ADGRB2: variants seen among roughly 807,000 people sequenced by gnomAD.
The protein encoded by ADGRB2 is brain-specific angiogenesis inhibitor 2.
Under a neutral mutation model 178.7 loss-of-function variants are expected in ADGRB2, and 47 were observed. The ratio of observed to expected loss-of-function variants is 0.26; its 90% CI spans 0.21 to 0.34. ADGRB2 has a LOEUF of 0.34. ADGRB2 is among the 10% of genes least tolerant of loss of function. The pLI is 1.00. For missense variants in ADGRB2, 1,584 were observed against 2,180.8 expected (o/e 0.73, Z 5.45); for synonymous variants, 870 against 912.4 (o/e 0.95, Z 0.84).
chr1:31,760,293 T>A (rs1462864125), intron 1 of ADGRB2, among the ~76,000 whole-genome samples: 1 of 152,144 alleles, frequency 6.6e-6, no homozygotes, highest in Non-Finnish European at 1.5e-5. Context: ...TCCCTCTCAC[T>A]TTTAACCCTA....
In ADGRB2 at chr1:31,740,656, A is replaced by G; in HGVS notation, c.1795-115T>C. On this transcript the variant is annotated intron_variant, in intron 11 of 32. Transcript: ENST00000373658. The surrounding 1 kb of genome is among the most constrained non-coding windows in gnomAD (Gnocchi z 5.9). The stretch of plus-strand genomic sequence containing the variant: ...CATCCACGGGGAGAGAAAGGGGGAA[A>G]AGGTCAGAGAGGCTCAAAGGGGCAC... 8.5e-7 allele frequency: 1 copy of G among 1,176,160 alleles called. No homozygotes were observed. The highest frequency in any genetic ancestry group is 1.2e-6 in the Non-Finnish European group (1 of 856,504). 72.9% of individuals were successfully genotyped at this position (1,176,160 alleles called of 1,614,324 possible).
chr1:31,755,983 C>T lies in ADGRB2; in HGVS notation c.838+16G>A. On this transcript the variant is annotated intron_variant, in intron 4 of 32. Transcript: ENST00000373658. This position sits in a 1 kb window ranked among gnomAD's most constrained non-coding sequence, Gnocchi z 5.1. ...CCCTGCAGACCCCGCCCCACCCAGG[C>T]CCTGCTGAGACTCACCATATCTCAT... is the stretch of plus-strand genomic sequence containing the variant. 6 of 1,588,600 alleles carry T rather than the reference C, an allele frequency of 3.8e-6. No individual in the cohort carries two copies. Among genetic ancestry groups the T allele is most frequent in the Non-Finnish European group, 5.2e-6 (6 of 1,163,290 alleles).
At chr1:31,730,583 G>A (rs758723467) in intron 29 of ADGRB2, among the ~76,000 whole-genome samples, 3 of 152,180 alleles carry the variant, frequency 2.0e-5, no homozygotes, top group South Asian at 2.1e-4. Context: ...TGAACGAGTC[G>A]AGAAGTACAA....
chr1:31,735,421 G>A lies in ADGRB2; in HGVS notation c.3354-140C>T, dbSNP rs1432501014. 10 of 1,220,430 alleles carry A rather than the reference G, an allele frequency of 8.2e-6. No homozygotes were observed. Among genetic ancestry groups the A allele is most frequent in the East Asian group, 5.1e-5 (2 of 39,294 alleles). The allele number at this position is 1,220,430 out of a possible 1,614,324, so 75.6% of individuals were successfully genotyped here. A position where few individuals can be genotyped will look rare whatever the true frequency, so the allele number is the denominator to read the frequency against. ...TGGGTTAGGGTGGGTGAGGGGCTGC[G>A]GCTGAGCACTCCGGGTGCCCACCTT... On this transcript the variant is annotated intron_variant, in intron 24 of 32. Transcript: ENST00000373658. This position sits in a 1 kb window ranked among gnomAD's most constrained non-coding sequence, Gnocchi z 6.0.
At position 31,735,418 on chromosome 1, in the gene ADGRB2, T is replaced by C. The variant is rs1466343868; in HGVS notation, c.3354-137A>G. ...AGCTGGGTTAGGGTGGGTGAGGGGC[T>C]GCGGCTGAGCACTCCGGGTGCCCAC... On this transcript the variant is annotated intron_variant, in intron 24 of 32. Transcript: ENST00000373658. The surrounding 1 kb of genome is among the most constrained non-coding windows in gnomAD (Gnocchi z 6.0). The C allele has an allele frequency of 8.2e-7, 1 of 1,216,882 alleles. No individual in the cohort carries two copies. The highest frequency in any genetic ancestry group is 1.2e-6 in the Non-Finnish European group (1 of 850,698). The allele number at this position is 1,216,882 out of a possible 1,614,324, so 75.4% of individuals were successfully genotyped here. A position where few individuals can be genotyped will look rare whatever the true frequency, so the allele number is the denominator to read the frequency against.
At chr1:31,738,500 C>T (rs997106759) in intron 17 of ADGRB2, 87 bp downstream of exon 17, 40 of 1,540,796 alleles carry the variant, frequency 2.6e-5, no homozygotes, top group Admixed American at 1.2e-4. Context: ...ACCAAAAATC[C>T]CTCTTGCCTT....
chr1:31,740,621 C>T lies in ADGRB2; in HGVS notation c.1795-80G>A. 1.4e-6 allele frequency: 2 copies of T among 1,407,344 alleles called. No individual in the cohort carries two copies. Among genetic ancestry groups the T allele is most frequent in the Non-Finnish European group, 1.9e-6 (2 of 1,054,098 alleles). 87.2% of individuals were successfully genotyped at this position (1,407,344 alleles called of 1,614,324 possible). ...CCTGGCCCATCCCACTCCAGTCCAC[C>T]CACTGCTTGCATCCACGGGGAGAGA... On this transcript the variant is annotated intron_variant, in intron 11 of 32. Coordinates refer to ENST00000373658, the MANE Select transcript of ADGRB2 (RefSeq NM_001364857.2). This position sits in a 1 kb window ranked among gnomAD's most constrained non-coding sequence, Gnocchi z 5.9.
At position 31,728,619 on chromosome 1, in the gene ADGRB2, C is replaced by G; in HGVS notation, c.4395G>C (p.Arg1465=). The G allele has an allele frequency of 6.2e-7, 1 of 1,614,038 alleles. No individual in the cohort carries two copies. The highest frequency in any genetic ancestry group is 1.7e-5 in the Admixed American group (1 of 60,012). Residue 1465 remains arginine (R), a synonymous_variant, in exon 30 of 33, where the codon CGG becomes CGC. Transcript: ENST00000373658. This position sits in a 1 kb window ranked among gnomAD's most constrained non-coding sequence, Gnocchi z 6.7. The part of the protein sequence containing the change: ...KMGSLERKKL[R]YSDLDFEKVM... Reference sequence around the variant, plus strand: ...TTACCTCAAAGTCCAGGTCTGAATACCGTAATTTCTTTCGCTGGGAAGGAG... The same window carrying G: ...TTACCTCAAAGTCCAGGTCTGAATAGCGTAATTTCTTTCGCTGGGAAGGAG...
rs371278408 is a variant in ADGRB2, at chr1:31,750,680, G to A, written c.838+5319C>T. The stretch of plus-strand genomic sequence containing the variant: ...CCAGAGCCCTGAGCAGGAGCCGACT[G>A]ATCCCCTTGACACATGCTCTGTCAT... On this transcript the variant is annotated intron_variant, in intron 4 of 32. Coordinates refer to ENST00000373658, the MANE Select transcript of ADGRB2 (RefSeq NM_001364857.2). 1.2e-4 allele frequency among the ~76,000 whole-genome samples: 18 copies of A among 152,116 alleles called. No individual in the cohort carries two copies. The East Asian group carries it at 1.5e-3, about 13-fold the overall frequency.
At chr1:31,739,144 T>C (rs1645795384) in intron 15 of ADGRB2, 164 bp downstream of exon 15, 2 of 901,618 alleles carry the variant, frequency 2.2e-6, no homozygotes, top group African/African-American at 1.7e-5. Flanking sequence ...GAGAGCAGTA[T>C]GGATAAATTT....
rs773918577 is a variant in ADGRB2, at chr1:31,756,040, G to A, written c.797C>T (p.Ser266Leu). 12 of 1,613,846 alleles carry A rather than the reference G, an allele frequency of 7.4e-6. No individual in the cohort carries two copies. The highest frequency in any genetic ancestry group is 1.1e-5 in the South Asian group (1 of 91,032). The change falls in exon 4 of 33, where the codon TCG becomes TTG. Residue 266 changes from serine (S) to leucine (L), a missense_variant. Ser to Leu is a moderately radical substitution (Grantham distance 145). Coordinates refer to ENST00000373658, the MANE Select transcript of ADGRB2 (RefSeq NM_001364857.2). The surrounding 1 kb of genome is among the most constrained non-coding windows in gnomAD (Gnocchi z 8.5). ...TGTGAACAGATCATTGCTGCTCCCC[G>A]AGTGCAAATCGGCCTCAGCAGGTGG... ...PAPPAEADLH[S>L]GSSNDLFTTE...
intron 4 of ADGRB2, among the ~76,000 whole-genome samples, chr1:31,752,654 G>C (rs902432375): frequency 5.3e-5 from 8 of 152,182 alleles, no homozygotes; most frequent in Non-Finnish European, 1.2e-4. Context: ...TTGAAAGGGT[G>C]GGGGAGAATT....
rs764253785 is a variant in ADGRB2 at position 31,728,732 on chromosome 1, C to T, written c.4381-99G>A. On this transcript the variant is annotated intron_variant, in intron 29 of 32. Transcript: ENST00000373658. The surrounding 1 kb of genome is among the most constrained non-coding windows in gnomAD (Gnocchi z 6.7). ...AAGCCTGGCATCCCAGGGGTCTGCCCGCTGCACCTTCCCCCCAACCCAGGC... is the reference window on the plus strand; with the variant it reads ...AAGCCTGGCATCCCAGGGGTCTGCCTGCTGCACCTTCCCCCCAACCCAGGC... 4.1e-6 allele frequency: 6 copies of T among 1,449,378 alleles called. No individual in the cohort carries two copies. Among genetic ancestry groups the T allele is most frequent in the African/African-American group, 2.8e-5 (2 of 70,992 alleles). 89.8% of individuals were successfully genotyped at this position (1,449,378 alleles called of 1,614,324 possible). A position where few individuals can be genotyped will look rare whatever the true frequency, so the allele number is the denominator to read the frequency against.
At chr1:31,746,751 C>T (rs1387880493) in intron 4 of ADGRB2, among the ~76,000 whole-genome samples, 1 of 152,216 alleles carries the variant, frequency 6.6e-6, no homozygotes, top group Non-Finnish European at 1.5e-5. Context: ...CCACAAAGGC[C>T]AGCCCCGTGG....
chr1:31,763,835 G>C (rs1172737441), intron 1 of ADGRB2, 49 bp downstream of exon 1: 1 of 985,146 alleles, frequency 1.0e-6, no homozygotes, highest in South Asian at 4.7e-5. Context: ...GGACCGCGCC[G>C]GCAGGGCTCG....
rs74065918 is a variant in ADGRB2 at position 31,758,326 on chromosome 1, C to A, written c.-190-815G>T. 0.06 allele frequency among the ~76,000 whole-genome samples: 9,146 copies of A among 152,272 alleles called. 800 individuals carry two copies. The highest frequency in any genetic ancestry group is 0.19 in the African/African-American group (7,720 of 41,516). ...CTGAGGCCCAGCCCAGGCCTGTCTC[C>A]CTCCACCAGTAGCCTCTGCTCCTTC... On this transcript the variant is annotated intron_variant, in intron 1 of 32. Transcript: ENST00000373658. This position sits in a 1 kb window ranked among gnomAD's most constrained non-coding sequence, Gnocchi z 4.2.
intron 4 of ADGRB2, among the ~76,000 whole-genome samples, chr1:31,750,270 T>C (rs1046265619): frequency 6.6e-6 from 1 of 152,194 alleles, no homozygotes; most frequent in African/African-American, 2.4e-5. Context: ...CTGTGGTCCC[T>C]GAGGAAGGGT....
Position 31,757,208 on chromosome 1 carries a change from C to T in ADGRB2, c.14G>A (p.Gly5Asp). 6.2e-7 allele frequency: 1 copy of T among 1,614,202 alleles called. No homozygotes were observed. Residue 5 changes from glycine (G) to aspartate (D), a missense_variant, in exon 3 of 33, where the codon GGT becomes GAT. Physicochemically the swap from Gly to Asp is moderately conservative, Grantham distance 94. Coordinates refer to ENST00000373658, the MANE Select transcript of ADGRB2 (RefSeq NM_001364857.2). ...ATCCAGCCCCAGCCTCACCATCCAA[C>T]CTGTATTCTCCATAACTCTTGCTCT... MENT[G>D]WMGKGHRMTP...
chr1:31,763,625 G>T (rs945566813), intron 1 of ADGRB2, among the ~76,000 whole-genome samples: 1 of 143,802 alleles, frequency 7.0e-6, no homozygotes, highest in African/African-American at 2.5e-5. Flanking sequence ...AGATGGGTAA[G>T]AGGGTCGGTC....
Sources: gnomAD v4.1 joint callset for allele counts (sites outside exome capture counted in the v4.1 genomes callset) on GRCh38, gnomAD v4.1.1 for gene constraint, Gnocchi (gnomAD v3.1) non-coding constraint, MANE v1.5 for transcripts, NCBI Gene and HGNC (gene_info 2026-07-23, HGNC 2026-07-21) for gene names.